The following BMP1 variants were observed in gnomAD, a reference collection of about 807,000 sequenced individuals.
BMP1 encodes the protein bone morphogenetic protein 1, also known as mammalian tolloid protein.
Under a neutral mutation model 116.8 loss-of-function variants are expected in BMP1, and 63 were observed. The observed-to-expected ratio is 0.54, with a 90% CI of 0.44 to 0.67. The LOEUF (loss-of-function observed/expected upper bound fraction) is 0.67. Ranked by LOEUF, BMP1 falls within the 30% of genes least tolerant of loss-of-function variation. The pLI is 0.00. For missense variants in BMP1, 1,183 were observed against 1,358.9 expected (o/e 0.87, Z 2.04); for synonymous variants, 536 against 533.4 (o/e 1.00, Z -0.07).
Position 22,179,694 on chromosome 8 carries a change from C to T in BMP1, c.837-11C>T. ...GAGACGCTCACCCTTACTTTTCTCC[C>T]TCTTCTTCAGGGGCATCTTCCTGGA... On this transcript the variant is annotated splice_polypyrimidine_tract_variant and intron_variant, in intron 6 of 19. Coordinates refer to ENST00000306385, the MANE Select transcript of BMP1 (RefSeq NM_006129.5). This position sits in a 1 kb window ranked among gnomAD's most constrained non-coding sequence, Gnocchi z 4.6. 6.2e-7 allele frequency: 1 copy of T among 1,613,702 alleles called. No individual in the cohort carries two copies. Among genetic ancestry groups the T allele is most frequent in the Non-Finnish European group, 8.5e-7 (1 of 1,179,736 alleles).
intron 19 of BMP1, among the ~76,000 whole-genome samples, chr8:22,211,134 G>C (rs942152870): frequency 6.6e-6 from 1 of 152,234 alleles, no homozygotes; most frequent in African/African-American, 2.4e-5. Context: ...CACTCCAGCA[G>C]AGAAGTGGCT....
intron 15 of BMP1, among the ~76,000 whole-genome samples, chr8:22,200,080 G>T (rs1586467592): frequency 6.6e-6 from 1 of 152,168 alleles, no homozygotes; most frequent in Non-Finnish European, 1.5e-5. Flanking sequence ...AATTCTGGGG[G>T]TCCACTGGAT....
At position 22,201,156 on chromosome 8, in the gene BMP1, C is replaced by G. The variant is rs1319039923; in HGVS notation, c.2108-647C>G. The G allele has an allele frequency of 1.6e-5, 26 of 1,613,438 alleles. No homozygotes were observed. The highest frequency in any genetic ancestry group is 1.9e-5 in the Non-Finnish European group (23 of 1,179,674). On this transcript the variant is annotated intron_variant, in intron 15 of 19. Transcript: ENST00000306385. ...TCTGCAGCCCCCTCGGGGACGCCCCCACCAGCTCAAATTCCGAGTGCAGAA... is the reference window on the plus strand; with the variant it reads ...TCTGCAGCCCCCTCGGGGACGCCCCGACCAGCTCAAATTCCGAGTGCAGAA...
intron 8 of BMP1, among the ~76,000 whole-genome samples, chr8:22,183,986 T>TTAGTAA (rs1237610619): frequency 6.6e-6 from 1 of 152,190 alleles, no homozygotes; most frequent in Non-Finnish European, 1.5e-5. Context: ...TTGGAAAAAT[T>TTAGTAA]TAGTAACTTC....
intron 1 of BMP1, among the ~76,000 whole-genome samples, chr8:22,167,374 T>C (rs1459540477): frequency 1.3e-5 from 2 of 151,664 alleles, no homozygotes; most frequent in African/African-American, 4.8e-5. Flanking sequence ...CATTGGAGGG[T>C]AGGATGCCAA....
rs933943218 is a variant in BMP1, at chr8:22,165,566, C to T, written c.148+13C>T. 23 of 1,571,666 alleles carry T rather than the reference C, an allele frequency of 1.5e-5. No homozygotes were observed. The highest frequency in any genetic ancestry group is 1.9e-5 in the Non-Finnish European group (22 of 1,162,966). Reference sequence around the variant, plus strand: ...CCCTGCAAGGCGGGTGAGCGCCCCCCGGCCCCCCGGCGACGGGCCAGGCGG... The same window carrying T: ...CCCTGCAAGGCGGGTGAGCGCCCCCTGGCCCCCCGGCGACGGGCCAGGCGG... On this transcript the variant is annotated intron_variant, in intron 1 of 19. Transcript: ENST00000306385.
chr8:22,195,188 C>A (rs1223291318), intron 12 of BMP1, among the ~76,000 whole-genome samples: 2 of 152,160 alleles, frequency 1.3e-5, no homozygotes, highest in Non-Finnish European at 2.9e-5. Flanking sequence ...TCTCCCTGAA[C>A]CTCAGTTTCT....
intron 15 of BMP1, 128 bp downstream of exon 15, chr8:22,197,548 C>T (rs1829129801): frequency 2.4e-5 from 24 of 998,830 alleles, no homozygotes; most frequent in Non-Finnish European, 3.4e-5. Context: ...CTGCCCCCTG[C>T]TCCCCACCAC....
At chr8:22,196,969 C>A (rs1419569183) in intron 14 of BMP1, 129 bp downstream of exon 14, 11 of 1,306,872 alleles carry the variant, frequency 8.4e-6, no homozygotes, top group Non-Finnish European at 1.1e-5. Context: ...GGAGAGACTG[C>A]TCCCAGCTCA....
At chr8:22,174,799 A>AT (rs1404495663) in intron 2 of BMP1, among the ~76,000 whole-genome samples, 5 of 151,580 alleles carry the variant, frequency 3.3e-5, no homozygotes, top group Non-Finnish European at 2.9e-5. Flanking sequence ...CGCCTGGCCA[A>AT]TTTTTTATAT....
At chr8:22,175,411 C>G (rs1004872753) in intron 2 of BMP1, among the ~76,000 whole-genome samples, 1 of 152,086 alleles carries the variant, frequency 6.6e-6, no homozygotes, top group Non-Finnish European at 1.5e-5. Flanking sequence ...TTCTCTTTTA[C>G]GATTATTGTC....
chr8:22,204,622 C>T (rs1829318990), intron 16 of BMP1, among the ~76,000 whole-genome samples: 1 of 152,182 alleles, frequency 6.6e-6, no homozygotes, highest in African/African-American at 2.4e-5. Flanking sequence ...GCTTGGGAGG[C>T]TGAGGCACAA....
At chr8:22,207,211 G>GT in intron 17 of BMP1, 92 bp from the exon 18 acceptor site, 1 of 1,445,350 alleles carries the variant, frequency 6.9e-7, no homozygotes, top group Non-Finnish European at 9.5e-7. Flanking sequence ...GCTCCCATGG[G>GT]TATCTGTGAG....
chr8:22,185,095 G>A (rs1292504011), intron 8 of BMP1, among the ~76,000 whole-genome samples: 2 of 152,182 alleles, frequency 1.3e-5, no homozygotes, highest in Admixed American at 6.5e-5. Context: ...CAGCTGGCGC[G>A]GAGAGGACTG....
intron 12 of BMP1, 26 bp from the exon 13 acceptor site, chr8:22,195,436 G>A (rs774257100): frequency 1.9e-6 from 3 of 1,589,780 alleles, no homozygotes; most frequent in Non-Finnish European, 2.6e-6. Context: ...CCTGGAGTCT[G>A]TGACACCCTT....
In BMP1 at chr8:22,179,699, C is replaced by T. The variant is rs762554460; in HGVS notation, c.837-6C>T. ...GCTCACCCTTACTTTTCTCCCTCTT[C>T]TTCAGGGGCATCTTCCTGGATACCA... On this transcript the variant is annotated splice_polypyrimidine_tract_variant and splice_region_variant and intron_variant, in intron 6 of 19. Transcript: ENST00000306385. This position sits in a 1 kb window ranked among gnomAD's most constrained non-coding sequence, Gnocchi z 4.6. 1.9e-6 allele frequency: 3 copies of T among 1,613,858 alleles called. No individual in the cohort carries two copies. The highest frequency in any genetic ancestry group is 2.5e-6 in the Non-Finnish European group (3 of 1,179,822).
chr8:22,168,684 C>G (rs796307647), intron 1 of BMP1, among the ~76,000 whole-genome samples: 1 of 152,120 alleles, frequency 6.6e-6, no homozygotes, highest in Non-Finnish European at 1.5e-5. Flanking sequence ...CCTCTGAGGT[C>G]GAGAAGTAAT....
At chr8:22,166,232 C>T (rs1828104123) in intron 1 of BMP1, among the ~76,000 whole-genome samples, 1 of 151,702 alleles carries the variant, frequency 6.6e-6, no homozygotes, top group Non-Finnish European at 1.5e-5. Context: ...CCCTATGTGC[C>T]CAGAGACCCC....
intron 8 of BMP1, among the ~76,000 whole-genome samples, chr8:22,182,223 A>G (rs1828642584): frequency 6.6e-6 from 1 of 152,196 alleles, no homozygotes; most frequent in African/African-American, 2.4e-5. Flanking sequence ...TCAGAATTTC[A>G]CCATCCATCA....
Sources: gnomAD v4.1 joint callset for allele counts (sites outside exome capture counted in the v4.1 genomes callset) on GRCh38, gnomAD v4.1.1 for gene constraint, Gnocchi (gnomAD v3.1) non-coding constraint, MANE v1.5 for transcripts, NCBI Gene and HGNC (gene_info 2026-07-23, HGNC 2026-07-21) for gene names.